The following JARID2 variants were observed in gnomAD, a reference collection of about 807,000 sequenced individuals.
The protein encoded by JARID2 is protein Jumonji.
In JARID2, 21 loss-of-function variants were observed where a neutral mutation model predicts 125.6. That is an observed-to-expected ratio of 0.17 (90% CI 0.12 to 0.24). The LOEUF (loss-of-function observed/expected upper bound fraction) is 0.24. Among genes scored for constraint, JARID2 ranks in the 10% least tolerant of loss-of-function variants. The pLI, the probability that JARID2 is intolerant of heterozygous loss-of-function variation, is 1.00. For missense variants in JARID2, 1,303 were observed against 1,639.6 expected (o/e 0.79, Z 3.55); for synonymous variants, 736 against 661.6 (o/e 1.11, Z -1.73).
chr6:15,407,775 C>T (rs1286445291), intron 2 of JARID2, among the ~76,000 whole-genome samples: 2 of 152,198 alleles, frequency 1.3e-5, no homozygotes, highest in East Asian at 1.9e-4. Flanking sequence ...TTCTTTTCTT[C>T]ACTTACTACT....
chr6:15,343,266 A>C (rs1763132358), intron 1 of JARID2, among the ~76,000 whole-genome samples: 1 of 144,924 alleles, frequency 6.9e-6, no homozygotes, highest in Non-Finnish European at 1.5e-5. Context: ...TAGCTGCTTT[A>C]CTTCACAGTC....
intron 2 of JARID2, among the ~76,000 whole-genome samples, chr6:15,384,488 AG>A (rs1764708684): frequency 6.6e-6 from 1 of 151,804 alleles, no homozygotes; most frequent in South Asian, 2.1e-4. Flanking sequence ...TTTTTCAATA[AG>A]TGGCAGTTCC....
Position 15,500,959 on chromosome 6 carries a change from C to T in JARID2, c.1998C>T (p.Gly666=), listed in dbSNP as rs139580359. 2.9e-5 allele frequency: 46 copies of T among 1,613,418 alleles called. No individual in the cohort carries two copies. Among genetic ancestry groups the T allele is most frequent in the African/African-American group, 1.9e-4 (14 of 74,918 alleles). Residue 666 remains glycine, a synonymous_variant, in exon 8 of 18, where the codon GGC becomes GGT. Transcript: ENST00000341776. ...ACFFRLINEM[G]GMQQVTDLKK... is the part of the protein sequence containing the mutation. ...TTTTCCGGCTGATTAATGAGATGGG[C>T]GGCATGCAGCAAGTGACTGACCTCA...
chr6:15,400,742 C>T (rs1036961624), intron 2 of JARID2: 2 of 939,744 alleles, frequency 2.1e-6, no homozygotes, highest in African/African-American at 1.8e-5. Flanking sequence ...ACATAAATAA[C>T]CTTCTCTCCT....
intron 15 of JARID2, 62 bp from the exon 16 acceptor site, chr6:15,513,177 C>A: frequency 2.6e-6 from 4 of 1,563,050 alleles, no homozygotes; most frequent in Non-Finnish European, 3.5e-6. Context: ...GCGTGTGTCC[C>A]CTCTGCTGGT....
At chr6:15,437,058 T>C (rs543163063) in intron 3 of JARID2, among the ~76,000 whole-genome samples, 1 of 152,256 alleles carries the variant, frequency 6.6e-6, no homozygotes, top group African/African-American at 2.4e-5. Flanking sequence ...ACGGTTTTAC[T>C]GTTCAGCTTC....
chr6:15,463,341 A>C (rs1310790866), intron 4 of JARID2, among the ~76,000 whole-genome samples: 1 of 152,014 alleles, frequency 6.6e-6, no homozygotes, highest in Non-Finnish European at 1.5e-5. Context: ...TCACTTGCTA[A>C]ATAATGTGAA....
intron 2 of JARID2, among the ~76,000 whole-genome samples, chr6:15,378,033 C>T (rs1357673519): frequency 5.3e-5 from 8 of 151,274 alleles, no homozygotes; most frequent in East Asian, 2.0e-4. Context: ...TACAGACACG[C>T]GCCACCACAC....
In JARID2 at chr6:15,410,219, T is replaced by C; in HGVS notation, c.182-5T>C. Reference sequence around the variant, plus strand: ...TAAGTGTTTGTCCCCTTTTCTCACCTGTAGGGCTCCTTGGTAATGACCAGT... The same window carrying C: ...TAAGTGTTTGTCCCCTTTTCTCACCCGTAGGGCTCCTTGGTAATGACCAGT... On this transcript the variant is annotated splice_polypyrimidine_tract_variant and splice_region_variant and intron_variant, in intron 2 of 17. Transcript: ENST00000341776. 6.2e-7 allele frequency: 1 copy of C among 1,613,256 alleles called. No individual in the cohort carries two copies. The highest frequency in any genetic ancestry group is 8.5e-7 in the Non-Finnish European group (1 of 1,179,406).
chr6:15,437,774 A>C (rs1767273165), intron 3 of JARID2, among the ~76,000 whole-genome samples: 1 of 151,998 alleles, frequency 6.6e-6, no homozygotes, highest in South Asian at 2.1e-4. Context: ...ACTGGACTCC[A>C]GCCTGGCAAC....
intron 1 of JARID2, among the ~76,000 whole-genome samples, chr6:15,283,909 A>C (rs28505073): frequency 6.7e-6 from 1 of 148,852 alleles, no homozygotes; most frequent in East Asian, 2.0e-4. Flanking sequence ...GGGTTTCACC[A>C]TGTTAGCCAG....
chr6:15,346,296 A>C (rs150172032), intron 1 of JARID2, among the ~76,000 whole-genome samples: 1 of 152,212 alleles, frequency 6.6e-6, no homozygotes, highest in African/African-American at 2.4e-5. Flanking sequence ...TCCAGTTAAC[A>C]CTAATGGCAA....
chr6:15,444,678 G>C (rs537278978), intron 3 of JARID2, among the ~76,000 whole-genome samples: 96 of 150,484 alleles, frequency 6.4e-4, no homozygotes, highest in African/African-American at 2.3e-3. Flanking sequence ...CTCCCACACC[G>C]GCACAAAGAG....
intron 1 of JARID2, among the ~76,000 whole-genome samples, chr6:15,309,683 G>GCA (rs1554122382): frequency 1.3e-5 from 2 of 150,772 alleles, no homozygotes; most frequent in African/African-American, 4.9e-5. Context: ...GTGTGTGTGT[G>GCA]TATATATATA....
intron 1 of JARID2, among the ~76,000 whole-genome samples, chr6:15,358,921 C>G (rs1467822236): frequency 6.6e-6 from 1 of 152,198 alleles, no homozygotes; most frequent in African/African-American, 2.4e-5. Flanking sequence ...GGCCATACCC[C>G]AACCAGTTAA....
intron 17 of JARID2, among the ~76,000 whole-genome samples, chr6:15,518,517 C>G (rs1406352243): frequency 1.3e-5 from 2 of 152,206 alleles, no homozygotes; most frequent in Non-Finnish European, 2.9e-5. Context: ...GAGTCTCGCT[C>G]TGTCGCCAGG....
chr6:15,457,150 C>T (rs746017263), intron 4 of JARID2, among the ~76,000 whole-genome samples: 1 of 152,062 alleles, frequency 6.6e-6, no homozygotes, highest in Non-Finnish European at 1.5e-5. Flanking sequence ...CACAAAAATG[C>T]CTGTCATTTC....
intron 1 of JARID2, among the ~76,000 whole-genome samples, chr6:15,283,723 T>TTTTA (rs1760879334): frequency 7.2e-6 from 1 of 139,368 alleles, no homozygotes; most frequent in Non-Finnish European, 1.6e-5. Context: ...TTTTTTTTTT[T>TTTTA]GAGATGGAGT....
At chr6:15,361,962 C>T (rs1045460048) in intron 1 of JARID2, among the ~76,000 whole-genome samples, 1 of 137,190 alleles carries the variant, frequency 7.3e-6, no homozygotes, top group Non-Finnish European at 1.5e-5. Flanking sequence ...GTGGTGTGAT[C>T]TCAGCTCACT....
Sources: gnomAD v4.1 joint callset for allele counts (sites outside exome capture counted in the v4.1 genomes callset) on GRCh38, gnomAD v4.1.1 for gene constraint, MANE v1.5 for transcripts, NCBI Gene and HGNC (gene_info 2026-07-23, HGNC 2026-07-21) for gene names.